Variants in SNRPD1 observed in about 807,000 individuals in gnomAD.
The protein encoded by SNRPD1 is small nuclear ribonucleoprotein D1 polypeptide.
SNRPD1 carries 1 observed loss-of-function variant against 14.4 expected under a neutral mutation model. That is an observed-to-expected ratio of 0.07 (90% CI 0.02 to 0.33). The LOEUF (loss-of-function observed/expected upper bound fraction) is 0.33. SNRPD1 is among the 10% of genes least tolerant of loss of function. SNRPD1 has a pLI of 1.00. For missense variants in SNRPD1, 52 were observed against 146.4 expected (o/e 0.36, Z 3.33); for synonymous variants, 42 against 50.3 (o/e 0.83, Z 0.70).
At chr18:21,624,410 G>C (rs543344756) in intron 3 of SNRPD1, among the ~76,000 whole-genome samples, 3 of 148,558 alleles carry the variant, frequency 2.0e-5, no homozygotes, top group Non-Finnish European at 3.0e-5. Flanking sequence ...ATATCGATGT[G>C]GTCGGGCAGG....
chr18:21,619,501 A>AT (rs1491456013), intron 1 of SNRPD1, among the ~76,000 whole-genome samples: 5 of 150,074 alleles, frequency 3.3e-5, no homozygotes, highest in Non-Finnish European at 7.4e-5. Context: ...TTTAAAAAAA[A>AT]GGGCCAGGCC....
chr18:21,629,746 A>G lies in SNRPD1; in HGVS notation c.*608A>G, dbSNP rs1042368775. 3 of 152,510 alleles carry G rather than the reference A, an allele frequency of 2.0e-5. No homozygotes were observed. The highest frequency in any genetic ancestry group is 2.0e-4 in the Admixed American group (3 of 15,304). 9.4% of individuals were successfully genotyped at this position (152,510 alleles called of 1,614,324 possible). ...CTGAGAAACCTTTAAGCTGAACTTGAGATATGTAAAGAGACTTTAGGCTAA... is the reference window on the plus strand; with the variant it reads ...CTGAGAAACCTTTAAGCTGAACTTGGGATATGTAAAGAGACTTTAGGCTAA... On this transcript the variant is annotated 3_prime_UTR_variant, in exon 4 of 4. Transcript: ENST00000300413.
chr18:21,622,668 T>A, intron 1 of SNRPD1, 57 bp from the exon 2 acceptor site: 5 of 845,786 alleles, frequency 5.9e-6, no homozygotes, highest in Non-Finnish European at 6.1e-6. Flanking sequence ...CCCTTTCACC[T>A]TAATAAATGT....
In SNRPD1 at chr18:21,630,206, TG is replaced by T; in HGVS notation, c.*1069del. On this transcript the variant is annotated 3_prime_UTR_variant, in exon 4 of 4. Transcript: ENST00000300413. ...GTGCCTCCTTTATTAAGGGGTTCTT[TG>T]AGAATAAAAGAGAAAAGACCTACTT... 6.6e-6 allele frequency: 1 copy of T among 152,196 alleles called. No homozygotes were observed. The highest frequency in any genetic ancestry group is 2.1e-4 in the South Asian group (1 of 4,838). 9.4% of individuals were successfully genotyped at this position (152,196 alleles called of 1,614,324 possible). A position where few individuals can be genotyped will look rare whatever the true frequency, so the allele number is the denominator to read the frequency against.
chr18:21,622,862 T>C, intron 2 of SNRPD1, 61 bp downstream of exon 2: 1 of 778,984 alleles, frequency 1.3e-6, no homozygotes, highest in Non-Finnish European at 2.2e-6. Context: ...AGCCAGAGTT[T>C]ATTTTTTTAT....
At chr18:21,615,433 T>C (rs1050682895) in intron 1 of SNRPD1, among the ~76,000 whole-genome samples, 3 of 152,050 alleles carry the variant, frequency 2.0e-5, no homozygotes, top group Non-Finnish European at 2.9e-5. Context: ...CTGACCAACA[T>C]GGTGAAACCC....
At chr18:21,628,200 G>A (rs1382618271) in intron 3 of SNRPD1, among the ~76,000 whole-genome samples, 4 of 151,998 alleles carry the variant, frequency 2.6e-5, no homozygotes, top group African/African-American at 7.2e-5. Flanking sequence ...GGCAACAAAG[G>A]GAGACCTCAT....
intron 3 of SNRPD1, among the ~76,000 whole-genome samples, chr18:21,628,450 A>G (rs1167458743): frequency 6.6e-6 from 1 of 152,222 alleles, no homozygotes; most frequent in African/African-American, 2.4e-5. Flanking sequence ...CTGTCTGAAG[A>G]TGAAATAAGT....
In SNRPD1 at chr18:21,633,147, G is replaced by C. The variant is rs114780611; in HGVS notation, c.*4009G>C. On this transcript the variant is annotated 3_prime_UTR_variant, in exon 4 of 4. Coordinates refer to ENST00000300413, the MANE Select transcript of SNRPD1 (RefSeq NM_006938.4). ...TTACAGGCGTGAGCCACCGCGTCCG[G>C]CCGAACATTAGTTTTTAAAGAAATG... The C allele has an allele frequency of 6.6e-6, 1 of 152,144 alleles. No individual in the cohort carries two copies. The highest frequency in any genetic ancestry group is 2.4e-5 in the African/African-American group (1 of 41,436). The allele number at this position is 152,144 out of a possible 1,614,324, so 9.4% of individuals were successfully genotyped here.
Position 21,612,371 on chromosome 18 carries a change from A to C in SNRPD1, c.-59A>C. 5 of 1,410,058 alleles carry C rather than the reference A, an allele frequency of 3.5e-6. No individual in the cohort carries two copies. The South Asian group carries it at 7.0e-5, about 20-fold the overall frequency. The allele number at this position is 1,410,058 out of a possible 1,614,324, so 87.3% of individuals were successfully genotyped here. ...CCGGCCATTCATACTGCAGTCGGTCAGTGTTCGGTTGAAGGATTCTGTGTG... is the reference window on the plus strand; with the variant it reads ...CCGGCCATTCATACTGCAGTCGGTCCGTGTTCGGTTGAAGGATTCTGTGTG... On this transcript the variant is annotated 5_prime_UTR_variant, in exon 1 of 4. Transcript: ENST00000300413.
At chr18:21,615,562 G>A (rs1276255864) in intron 1 of SNRPD1, among the ~76,000 whole-genome samples, 1 of 151,726 alleles carries the variant, frequency 6.6e-6, no homozygotes, top group Non-Finnish European at 1.5e-5. Context: ...AGATTGCAGT[G>A]AGCTGAGATC....
In SNRPD1 at chr18:21,632,855, CTTTT is replaced by C; in HGVS notation, c.*3727_*3730del. Reference sequence around the variant, plus strand: ...CTTTTCTTTTCTTTTCTTTTCTTTTCTTTTTTTTTTTTTGAGACAGAGTCTAGCT... The same window carrying C: ...CTTTTCTTTTCTTTTCTTTTCTTTTCTTTTTTTTTGAGACAGAGTCTAGCT... On this transcript the variant is annotated 3_prime_UTR_variant, in exon 4 of 4. Transcript: ENST00000300413. 3 of 134,670 alleles carry C rather than the reference CTTTT, an allele frequency of 2.2e-5. No individual in the cohort carries two copies. Among genetic ancestry groups the C allele is most frequent in the Admixed American group, 7.4e-5 (1 of 13,484 alleles). 8.3% of individuals were successfully genotyped at this position (134,670 alleles called of 1,614,324 possible). A position where few individuals can be genotyped will look rare whatever the true frequency, so the allele number is the denominator to read the frequency against.
At chr18:21,621,000 A>G (rs956355217) in intron 1 of SNRPD1, among the ~76,000 whole-genome samples, 3 of 145,344 alleles carry the variant, frequency 2.1e-5, no homozygotes, top group Non-Finnish European at 4.6e-5. Context: ...CGTCTCTACT[A>G]AAAAAAAAAT....
intron 1 of SNRPD1, among the ~76,000 whole-genome samples, chr18:21,617,407 T>C (rs926972643): frequency 6.6e-6 from 1 of 152,210 alleles, no homozygotes; most frequent in African/African-American, 2.4e-5. Context: ...TTGTATTGTT[T>C]CATTGATCTA....
intron 3 of SNRPD1, among the ~76,000 whole-genome samples, chr18:21,625,157 A>G (rs921953281): frequency 7.3e-5 from 11 of 150,458 alleles, no homozygotes; most frequent in South Asian, 6.3e-4. Flanking sequence ...TTTTTTTTTT[A>G]CTACCTACCT....
intron 1 of SNRPD1, among the ~76,000 whole-genome samples, chr18:21,622,082 T>G (rs2039002034): frequency 6.6e-6 from 1 of 152,036 alleles, no homozygotes; most frequent in Admixed American, 6.6e-5. Context: ...GGAAGGGAGA[T>G]TTTTACTTTA....
Position 21,623,826 on chromosome 18 carries a change from C to T in SNRPD1, c.170C>T (p.Thr57Met), listed in dbSNP as rs1315820319. The T allele has an allele frequency of 7.4e-6, 12 of 1,612,788 alleles. No individual in the cohort carries two copies. Among genetic ancestry groups the T allele is most frequent in the East Asian group, 4.5e-5 (2 of 44,854 alleles). ...AACAGAGAACCTGTACAGCTGGAAA[C>T]GCTGAGTATTCGAGGAAATAACATT... ...LKNREPVQLE[T>M]LSIRGNNIRY... Residue 57 changes from threonine (T) to methionine (M), a missense_variant, in exon 3 of 4, where the codon ACG becomes ATG. Thr to Met is a moderately conservative substitution (Grantham distance 81). Coordinates refer to ENST00000300413, the MANE Select transcript of SNRPD1 (RefSeq NM_006938.4).
intron 3 of SNRPD1, among the ~76,000 whole-genome samples, chr18:21,626,815 T>C (rs1425997741): frequency 6.6e-6 from 1 of 151,686 alleles, no homozygotes; most frequent in Non-Finnish European, 1.5e-5. Context: ...TTTTGTTTGT[T>C]GTTTGTTTGG....
chr18:21,621,280 T>TTTGCATAA (rs1255708234), intron 1 of SNRPD1, among the ~76,000 whole-genome samples: 1 of 152,156 alleles, frequency 6.6e-6, no homozygotes, highest in Admixed American at 6.6e-5. Flanking sequence ...TTGGTGAGGG[T>TTTGCATAA]TTGCATAATT....
Sources: gnomAD v4.1 joint callset for allele counts (sites outside exome capture counted in the v4.1 genomes callset) on GRCh38, gnomAD v4.1.1 for gene constraint, MANE v1.5 for transcripts, NCBI Gene and HGNC (gene_info 2026-07-23, HGNC 2026-07-21) for gene names.